ACSF3: variants seen among roughly 807,000 people sequenced by gnomAD.
ACSF3 encodes acyl-CoA synthetase family member 3, also known as malonate--CoA ligase ACSF3, mitochondrial.
Under a neutral mutation model 53.2 loss-of-function variants are expected in ACSF3, and 78 were observed. That is an observed-to-expected ratio of 1.47 (90% CI 1.22 to 1.77). The LOEUF (loss-of-function observed/expected upper bound fraction) is 1.77. Ranked by LOEUF, ACSF3 falls within the 40% of genes most tolerant of loss-of-function variation. ACSF3 has a pLI of 0.00. For synonymous variants in ACSF3, 414 were observed against 333.1 expected (o/e 1.24, Z -2.65); for missense variants, 937 against 771.1 (o/e 1.22, Z -2.55).
chr16:89,114,110 C>T (rs1478000120), intron 5 of ACSF3: 3 of 609,796 alleles, frequency 4.9e-6, no homozygotes, highest in African/African-American at 1.8e-5. Context: ...TTCTAAAATA[C>T]ACCCAACAGA....
At chr16:89,134,659 C>T (rs977397802) in intron 8 of ACSF3, among the ~76,000 whole-genome samples, 16 of 152,328 alleles carry the variant, frequency 1.1e-4, no homozygotes, top group African/African-American at 2.4e-4. Context: ...GTTTATATCC[C>T]GATCATTGTC....
intron 4 of ACSF3, among the ~76,000 whole-genome samples, chr16:89,104,869 G>A (rs539993898): frequency 2.6e-5 from 4 of 152,354 alleles, no homozygotes; most frequent in African/African-American, 7.2e-5. Context: ...GTACGAGCAA[G>A]TGAGCCTGTT....
chr16:89,113,069 G>T (rs992456237), intron 5 of ACSF3: 1 of 152,338 alleles, frequency 6.6e-6, no homozygotes, highest in Admixed American at 6.5e-5. Flanking sequence ...GGCTGTTGAG[G>T]TGTGGTTCAC....
Position 89,145,402 on chromosome 16 carries a change from G to T in ACSF3, c.1501+1G>T, listed in dbSNP as rs904050143. On this transcript the variant is annotated splice_donor_variant, in intron 9 of 10. Transcript: ENST00000614302. LOFTEE classifies it high-confidence loss of function. The stretch of plus-strand genomic sequence containing the variant: ...CTGCTGGCCCACCCCAGCATCACAG[G>T]TGCGTGGCCGGACTTGGGCCAGGGA... 1 of 1,613,950 alleles carries T rather than the reference G, an allele frequency of 6.2e-7. No homozygotes were observed. The highest frequency in any genetic ancestry group is 1.3e-5 in the African/African-American group (1 of 74,938).
chr16:89,135,680 G>A (rs1363927462), intron 8 of ACSF3, among the ~76,000 whole-genome samples: 1 of 152,260 alleles, frequency 6.6e-6, no homozygotes, highest in Non-Finnish European at 1.5e-5. Flanking sequence ...CAGAATTACA[G>A]GAACCGGACT....
At position 89,100,667 on chromosome 16, in the gene ACSF3, C is replaced by CCCCAGGAGGCTCTCGGGAG. The variant is rs11273288; in HGVS notation, c.-14_-13insCCAGGAGGCTCTCGGGAGC. Reference sequence around the variant, plus strand: ...TGTGCCTTGCCTTTCTCCAGCTCGGCCGCCTGTCAGTGCAATGCTGCCCCA... The same window carrying CCCCAGGAGGCTCTCGGGAG: ...TGTGCCTTGCCTTTCTCCAGCTCGGCCCCAGGAGGCTCTCGGGAGCGCCTGTCAGTGCAATGCTGCCCCA... On this transcript the variant is annotated 5_prime_UTR_variant, in exon 3 of 11. Transcript: ENST00000614302. 6.5e-7 allele frequency: 1 copy of CCCCAGGAGGCTCTCGGGAG among 1,535,210 alleles called. No homozygotes were observed. The highest frequency in any genetic ancestry group is 1.4e-5 in the African/African-American group (1 of 72,798).
In ACSF3 at chr16:89,122,678, G is replaced by A. The variant is rs569194749; in HGVS notation, c.1239+1765G>A. On this transcript the variant is annotated intron_variant, in intron 7 of 10. Transcript: ENST00000614302. ...GGCGTGTGGAGGAGTGAGACGCCCCGTGGCTGTGCAGCCCTCTCCAGGTGT... is the reference window on the plus strand; with the variant it reads ...GGCGTGTGGAGGAGTGAGACGCCCCATGGCTGTGCAGCCCTCTCCAGGTGT... 3.7e-4 allele frequency: 61 copies of A among 165,554 alleles called. 1 individual carries two copies. The highest frequency in any genetic ancestry group is 1.3e-3 in the African/African-American group (53 of 42,054). 10.3% of individuals were successfully genotyped at this position (165,554 alleles called of 1,614,324 possible).
chr16:89,111,322 G>A (rs920258908), intron 4 of ACSF3, among the ~76,000 whole-genome samples: 19 of 152,228 alleles, frequency 1.2e-4, no homozygotes, highest in African/African-American at 3.4e-4. Flanking sequence ...TGAGGCACTC[G>A]TCACTGCAGT....
chr16:89,107,034 G>A (rs1339918387), intron 4 of ACSF3, among the ~76,000 whole-genome samples: 1 of 152,252 alleles, frequency 6.6e-6, no homozygotes, highest in East Asian at 1.9e-4. Flanking sequence ...ATCGCAGCAT[G>A]GACTCAGGAG....
At chr16:89,103,868 G>A (rs1975663207) in intron 4 of ACSF3, among the ~76,000 whole-genome samples, 1 of 152,246 alleles carries the variant, frequency 6.6e-6, no homozygotes, top group Admixed American at 6.5e-5. Context: ...GGTGGGAGCA[G>A]TCATCGCCGA....
chr16:89,111,581 C>T lies in ACSF3; in HGVS notation c.823-511C>T, dbSNP rs568408979. Reference sequence around the variant, plus strand: ...TCTTCCTGAAGCTTTATGGGCGACGCGAGAACCCGCTAACGAGTGAGGAAC... The same window carrying T: ...TCTTCCTGAAGCTTTATGGGCGACGTGAGAACCCGCTAACGAGTGAGGAAC... On this transcript the variant is annotated intron_variant, in intron 4 of 10. Transcript: ENST00000614302. Among the ~76,000 whole-genome samples the T allele has an allele frequency of 8.0e-4, 122 of 152,356 alleles. 1 individual carries two copies. Among genetic ancestry groups the T allele is most frequent in the African/African-American group, 2.8e-3 (117 of 41,586 alleles).
intron 4 of ACSF3, among the ~76,000 whole-genome samples, chr16:89,104,664 C>A (rs1422086306): frequency 6.6e-6 from 1 of 152,184 alleles, no homozygotes; most frequent in Non-Finnish European, 1.5e-5. Flanking sequence ...GGCATCCAGC[C>A]CCACACGGTG....
rs1567758885 is a variant in ACSF3, at chr16:89,154,671, C to T, written c.*464C>T. 2.2e-6 allele frequency: 1 copy of T among 454,156 alleles called. No homozygotes were observed. The highest frequency in any genetic ancestry group is 4.4e-6 in the Non-Finnish European group (1 of 226,912). 28.1% of individuals were successfully genotyped at this position (454,156 alleles called of 1,614,324 possible). On this transcript the variant is annotated 3_prime_UTR_variant, in exon 11 of 11. Transcript: ENST00000614302. The stretch of plus-strand genomic sequence containing the variant: ...GGCCCACATAGGAGGTCTGGGCAGC[C>T]ACCCAGGGGGCCCTCCTGGGAGGAG...
Position 89,120,663 on chromosome 16 carries a change from C to A in ACSF3, c.1127-138C>A, listed in dbSNP as rs999342778. 1.3e-5 allele frequency: 11 copies of A among 827,990 alleles called. No individual in the cohort carries two copies. The African/African-American group carries it at 1.5e-4, about 11-fold the overall frequency. 51.3% of individuals were successfully genotyped at this position (827,990 alleles called of 1,614,324 possible). ...CCTACACCATCTTCTCTCTGGGTCA[C>A]AGGGCACGTCGCTCCCTCCACACAG... On this transcript the variant is annotated intron_variant, in intron 6 of 10. Coordinates refer to ENST00000614302, the MANE Select transcript of ACSF3 (RefSeq NM_001243279.3).
At chr16:89,145,605 G>A (rs1158684713) in intron 9 of ACSF3, among the ~76,000 whole-genome samples, 1 of 152,184 alleles carries the variant, frequency 6.6e-6, no homozygotes, top group Non-Finnish European at 1.5e-5. Context: ...CACTGACCCC[G>A]TGCCCACCAG....
In ACSF3 at chr16:89,154,466, G is replaced by A. The variant is rs1218157979; in HGVS notation, c.*259G>A. The A allele has an allele frequency of 1.1e-5, 7 of 623,124 alleles. No homozygotes were observed. The highest frequency in any genetic ancestry group is 2.1e-5 in the Non-Finnish European group (7 of 336,208). The allele number at this position is 623,124 out of a possible 1,614,324, so 38.6% of individuals were successfully genotyped here. A position where few individuals can be genotyped will look rare whatever the true frequency, so the allele number is the denominator to read the frequency against. On this transcript the variant is annotated 3_prime_UTR_variant, in exon 11 of 11. Transcript: ENST00000614302. ...GACCTCATCTGTGCAGCGCGGTGCA[G>A]CCAGCCCCTGGCCCCACGTGCTGAG...
chr16:89,116,055 A>G (rs984212885), intron 6 of ACSF3, among the ~76,000 whole-genome samples: 7 of 152,230 alleles, frequency 4.6e-5, no homozygotes, highest in African/African-American at 1.4e-4. Flanking sequence ...TGCGTAGCCC[A>G]AAGTCACAGA....
intron 7 of ACSF3, among the ~76,000 whole-genome samples, chr16:89,128,572 T>C (rs1377478067): frequency 6.6e-6 from 1 of 152,204 alleles, no homozygotes; most frequent in African/African-American, 2.4e-5. Context: ...AATTTTGATA[T>C]ATTTTTATTT....
chr16:89,114,532 G>C, intron 6 of ACSF3, 45 bp downstream of exon 6: 1 of 1,603,580 alleles, frequency 6.2e-7, no homozygotes, highest in East Asian at 2.2e-5. Context: ...ACTGTGCTCT[G>C]AGCCCCCCAA....
Sources: allele counts gnomAD v4.1 joint callset (sites outside exome capture counted in the v4.1 genomes callset), GRCh38; gene constraint gnomAD v4.1.1; transcripts MANE v1.5; gene names NCBI Gene and HGNC (gene_info 2026-07-23, HGNC 2026-07-21).